The following KCNT2 variants were observed in gnomAD, a reference collection of about 807,000 sequenced individuals.
KCNT2 encodes potassium channel subfamily T member 2.
In KCNT2, 67 loss-of-function variants were observed where a neutral mutation model predicts 153.8. That is an observed-to-expected ratio of 0.44 (90% CI 0.36 to 0.53). KCNT2 has a LOEUF of 0.53. Ranked by LOEUF, KCNT2 falls within the 20% of genes least tolerant of loss-of-function variation. The pLI, the probability that KCNT2 is intolerant of heterozygous loss-of-function variation, is 0.00. For synonymous variants in KCNT2, 500 were observed against 458.8 expected (o/e 1.09, Z -1.15); for missense variants, 975 against 1,354.8 (o/e 0.72, Z 4.40).
At chr1:196,515,495 GT>G (rs1681974979) in intron 1 of KCNT2, among the ~76,000 whole-genome samples, 2 of 152,166 alleles carry the variant, frequency 1.3e-5, no homozygotes, top group African/African-American at 4.8e-5. Context: ...AGGAAGATGT[GT>G]TCTTTAGAAC....
intron 12 of KCNT2, among the ~76,000 whole-genome samples, chr1:196,411,538 C>T (rs534041363): frequency 2.0e-5 from 3 of 149,604 alleles, no homozygotes; most frequent in East Asian, 4.0e-4. Flanking sequence ...ATTTATGTCT[C>T]CTTCAATTTC....
intron 1 of KCNT2, among the ~76,000 whole-genome samples, chr1:196,600,152 A>G (rs997330741): frequency 2.0e-5 from 3 of 152,204 alleles, no homozygotes; most frequent in Non-Finnish European, 4.4e-5. Context: ...CTGCTTTTAT[A>G]TGACCAGCTA....
chr1:196,608,150 G>C, intron 1 of KCNT2, 65 bp downstream of exon 1: 1 of 1,423,294 alleles, frequency 7.0e-7, no homozygotes, highest in African/African-American at 1.4e-5. Flanking sequence ...TCCCCACTTC[G>C]GCCCTCCCAT....
In KCNT2 at chr1:196,423,176, T is replaced by C. The variant is rs954156335; in HGVS notation, c.1122-63A>G. The C allele has an allele frequency of 1.5e-5, 17 of 1,122,318 alleles. No individual in the cohort carries two copies. In the South Asian group the frequency reaches 2.1e-4, roughly 14 times the overall value. 69.5% of individuals were successfully genotyped at this position (1,122,318 alleles called of 1,614,324 possible). ...AAATATCTACAGGTTTTCTGAAAAA[T>C]AGAATTTCAGTCTTGAGTCCATATA... is the stretch of plus-strand genomic sequence containing the variant. On this transcript the variant is annotated intron_variant, in intron 11 of 27. Coordinates refer to ENST00000294725, the MANE Select transcript of KCNT2 (RefSeq NM_198503.5).
chr1:196,279,186 T>C (rs1211464856), intron 25 of KCNT2, among the ~76,000 whole-genome samples: 1 of 152,212 alleles, frequency 6.6e-6, no homozygotes, highest in African/African-American at 2.4e-5. Context: ...ATGAAAGCAC[T>C]TGATCTTCTC....
At chr1:196,369,529 T>C (rs1668335258) in intron 14 of KCNT2, among the ~76,000 whole-genome samples, 1 of 142,848 alleles carries the variant, frequency 7.0e-6, no homozygotes, top group African/African-American at 2.6e-5. Flanking sequence ...CCTGTGTCCA[T>C]GTGATCTCAT....
At position 196,554,852 on chromosome 1, in the gene KCNT2, C is replaced by A. The variant is rs547900332; in HGVS notation, c.95+53363G>T. 2.0e-5 allele frequency among the ~76,000 whole-genome samples: 3 copies of A among 150,796 alleles called. No homozygotes were observed. In the East Asian group the frequency reaches 5.8e-4, roughly 29 times the overall value. On this transcript the variant is annotated intron_variant, in intron 1 of 27. Coordinates refer to ENST00000294725, the MANE Select transcript of KCNT2 (RefSeq NM_198503.5). Reference sequence around the variant, plus strand: ...GTCAACATATGCAAATCAATCAATGCGATACATCATATCAACAGAAGGAAG... The same window carrying A: ...GTCAACATATGCAAATCAATCAATGAGATACATCATATCAACAGAAGGAAG...
At chr1:196,304,206 C>A (rs1019207952) in intron 22 of KCNT2, among the ~76,000 whole-genome samples, 4 of 152,050 alleles carry the variant, frequency 2.6e-5, no homozygotes, top group African/African-American at 9.7e-5. Context: ...ACAGACACAA[C>A]CTTACTCAAC....
chr1:196,351,047 T>G (rs1666639243), intron 14 of KCNT2, among the ~76,000 whole-genome samples: 1 of 152,052 alleles, frequency 6.6e-6, no homozygotes. Flanking sequence ...GGCTCTGTTC[T>G]GTTCCACTGA....
At chr1:196,607,584 T>C (rs1169197222) in intron 1 of KCNT2, among the ~76,000 whole-genome samples, 1 of 152,266 alleles carries the variant, frequency 6.6e-6, no homozygotes, top group East Asian at 1.9e-4. Flanking sequence ...AACATCATTA[T>C]TCATAATGGT....
intron 10 of KCNT2, among the ~76,000 whole-genome samples, chr1:196,427,440 A>G (rs1273638283): frequency 6.6e-6 from 1 of 152,082 alleles, no homozygotes; most frequent in African/African-American, 2.4e-5. Flanking sequence ...TTGAGTAAAT[A>G]CAAGACCTTC....
chr1:196,229,146 G>C (rs1653731108), intron 27 of KCNT2, among the ~76,000 whole-genome samples: 2 of 151,926 alleles, frequency 1.3e-5, no homozygotes, highest in Admixed American at 6.6e-5. Flanking sequence ...ATTGCACTTT[G>C]CCAATATTGA....
intron 14 of KCNT2, among the ~76,000 whole-genome samples, chr1:196,351,378 A>G (rs980705656): frequency 6.6e-6 from 1 of 151,940 alleles, no homozygotes; most frequent in Non-Finnish European, 1.5e-5. Flanking sequence ...CTTTTATTTC[A>G]TTGAGCAGTG....
chr1:196,551,389 T>C (rs1330649518), intron 1 of KCNT2, among the ~76,000 whole-genome samples: 1 of 151,736 alleles, frequency 6.6e-6, no homozygotes, highest in Non-Finnish European at 1.5e-5. Context: ...TCTGAGGATG[T>C]TAAATCTGAG....
chr1:196,480,121 GA>G (rs1388380435), intron 4 of KCNT2, among the ~76,000 whole-genome samples: 1 of 150,964 alleles, frequency 6.6e-6, no homozygotes, highest in Non-Finnish European at 1.5e-5. Context: ...AAAGTAACTA[GA>G]AAAAATAATA....
chr1:196,429,432 T>G (rs965279408), intron 9 of KCNT2, 145 bp downstream of exon 9: 7 of 499,376 alleles, frequency 1.4e-5, no homozygotes, highest in East Asian at 3.2e-5. Context: ...CTGCAGTAAT[T>G]TATGTAATTG....
intron 2 of KCNT2, among the ~76,000 whole-genome samples, chr1:196,490,163 T>A (rs1442444039): frequency 6.6e-6 from 1 of 151,650 alleles, no homozygotes; most frequent in East Asian, 1.9e-4. Flanking sequence ...CAAATGAGAG[T>A]GCATATTTTA....
intron 1 of KCNT2, among the ~76,000 whole-genome samples, chr1:196,593,944 G>C (rs920758315): frequency 6.6e-6 from 1 of 151,874 alleles, no homozygotes; most frequent in African/African-American, 2.4e-5. Flanking sequence ...TATAAGCACT[G>C]TTTCTCAATA....
chr1:196,394,241 G>A (rs1670731479), intron 13 of KCNT2, among the ~76,000 whole-genome samples: 1 of 151,580 alleles, frequency 6.6e-6, no homozygotes, highest in Non-Finnish European at 1.5e-5. Flanking sequence ...TGTTGCAAAT[G>A]TTCTGGGGGA....
Sources: gnomAD v4.1 joint callset for allele counts (sites outside exome capture counted in the v4.1 genomes callset) on GRCh38, gnomAD v4.1.1 for gene constraint, MANE v1.5 for transcripts, NCBI Gene and HGNC (gene_info 2026-07-23, HGNC 2026-07-21) for gene names.